Variants in KCTD3 observed in about 807,000 individuals in gnomAD.
KCTD3 encodes BTB/POZ domain-containing protein KCTD3.
KCTD3 carries 41 observed loss-of-function variants against 85.8 expected under a neutral mutation model. That is an observed-to-expected ratio of 0.48 (90% CI 0.37 to 0.62). The LOEUF (loss-of-function observed/expected upper bound fraction) is 0.62. Among genes scored for constraint, KCTD3 ranks in the 20% least tolerant of loss-of-function variants. The pLI, the probability that KCTD3 is intolerant of heterozygous loss-of-function variation, is 0.00. For synonymous variants in KCTD3, 338 were observed against 345.4 expected (o/e 0.98, Z 0.24); for missense variants, 724 against 989.9 (o/e 0.73, Z 3.60).
intron 10 of KCTD3, among the ~76,000 whole-genome samples, chr1:215,596,533 A>C (rs538110127): frequency 2.5e-4 from 38 of 152,312 alleles, no homozygotes; most frequent in Non-Finnish European, 4.4e-4. Flanking sequence ...ACCAAGAGCC[A>C]AAGGGACACA....
rs202044566 is a variant in KCTD3, at chr1:215,620,499, C to T, written c.2329C>T (p.Pro777Ser). The change falls in exon 18 of 18, where the codon CCA (proline) becomes TCA (serine). Residue 777 changes from proline to serine, a missense_variant. Around this residue, in one of 6 missense-constraint regions of KCTD3, gnomAD observed 222 missense variants for 217.7 expected, o/e 1.02. Coordinates refer to ENST00000259154, the MANE Select transcript of KCTD3 (RefSeq NM_016121.5). ...GAAAGTTCCCTATCTGGCGTCATCA[C>T]CAAGTACTTCCGATGGAGGAACTGA... ...RKKVPYLASS[P>S]STSDGGTDSP... 3 of 1,613,574 alleles carry T rather than the reference C, an allele frequency of 1.9e-6. No homozygotes were observed. The highest frequency in any genetic ancestry group is 1.7e-6 in the Non-Finnish European group (2 of 1,179,560).
At chr1:215,619,988 ATAAT>A (rs1309878493) in intron 17 of KCTD3, 65 bp from the exon 18 acceptor site, 1 of 1,169,322 alleles carries the variant, frequency 8.6e-7, no homozygotes, top group Non-Finnish European at 1.2e-6. Flanking sequence ...TATTGGTTGT[ATAAT>A]TAATATGTTC....
At chr1:215,576,062 TG>T in intron 4 of KCTD3, 88 bp downstream of exon 4, 1 of 803,330 alleles carries the variant, frequency 1.2e-6, no homozygotes. Context: ...TTTTTTTGTT[TG>T]TTTTTTTTTT....
chr1:215,576,155 G>A (rs755084873), intron 4 of KCTD3, among the ~76,000 whole-genome samples, 181 bp downstream of exon 4: 2 of 151,412 alleles, frequency 1.3e-5, no homozygotes, highest in Non-Finnish European at 2.9e-5. Flanking sequence ...TGCAACCTCC[G>A]CCTTTCAGGT....
intron 6 of KCTD3, 52 bp from the exon 7 acceptor site, chr1:215,578,948 A>G (rs1024073640): frequency 5.3e-6 from 7 of 1,324,458 alleles, no homozygotes; most frequent in Admixed American, 2.8e-5. Context: ...GATATTTTTA[A>G]TTTTTGAAAG....
intron 10 of KCTD3, among the ~76,000 whole-genome samples, chr1:215,601,511 G>C (rs1006306581): frequency 2.0e-5 from 3 of 152,114 alleles, no homozygotes; most frequent in Admixed American, 6.6e-5. Context: ...TATGAGAAAG[G>C]GAAAAGAGAG....
chr1:215,605,410 T>A lies in KCTD3; in HGVS notation c.1309+1108T>A, dbSNP rs542425951. ...ATTACTCCCCTGCCCCACTGAGGAG[T>A]TTCTAACTCTTGCTGGTTCCTCATC... On this transcript the variant is annotated intron_variant, in intron 13 of 17. Transcript: ENST00000259154. 2.6e-5 allele frequency among the ~76,000 whole-genome samples: 4 copies of A among 152,110 alleles called. No homozygotes were observed. In the South Asian group the frequency reaches 8.3e-4, roughly 32 times the overall value.
chr1:215,615,284 G>GA (rs1456062307), intron 15 of KCTD3, among the ~76,000 whole-genome samples: 1 of 152,108 alleles, frequency 6.6e-6, no homozygotes, highest in East Asian at 1.9e-4. Flanking sequence ...AAGGAAGCAA[G>GA]AAAAAACCTT....
In KCTD3 at chr1:215,619,271, C is replaced by G. The variant is rs773323864; in HGVS notation, c.1866C>G (p.His622Gln). 5 of 1,613,206 alleles carry G rather than the reference C, an allele frequency of 3.1e-6. No individual in the cohort carries two copies. In the African/African-American group the frequency reaches 6.7e-5, roughly 22 times the overall value. Residue 622 changes from histidine to glutamine, a missense_variant, in exon 17 of 18, where the codon CAC becomes CAG. Around this residue, in one of 6 missense-constraint regions of KCTD3, gnomAD observed 136 missense variants for 197.6 expected, o/e 0.69. Coordinates refer to ENST00000259154, the MANE Select transcript of KCTD3 (RefSeq NM_016121.5). Reference sequence around the variant, plus strand: ...CAACTTCCGTAGTTCAGCATAGCCACTTACGAGAATCAAATTCTAGGTAGG... The same window carrying G: ...CAACTTCCGTAGTTCAGCATAGCCAGTTACGAGAATCAAATTCTAGGTAGG... ...SPATSVVQHS[H>Q]LRESNSSLQL...
chr1:215,598,109 A>T (rs1654679695), intron 10 of KCTD3, among the ~76,000 whole-genome samples: 1 of 152,092 alleles, frequency 6.6e-6, no homozygotes, highest in African/African-American at 2.4e-5. Context: ...CATACCACAT[A>T]CCAAAGTAAA....
chr1:215,595,732 G>C (rs767826671), intron 10 of KCTD3, among the ~76,000 whole-genome samples: 1 of 152,120 alleles, frequency 6.6e-6, no homozygotes, highest in Non-Finnish European at 1.5e-5. Context: ...TCTATGCCTT[G>C]AGCATGGTAG....
At chr1:215,581,827 A>G (rs1437008563) in intron 8 of KCTD3, among the ~76,000 whole-genome samples, 2 of 152,268 alleles carry the variant, frequency 1.3e-5, no homozygotes, top group African/African-American at 4.8e-5. Context: ...AAAAGATTTC[A>G]AAAGAAAGAA....
At position 215,620,465 on chromosome 1, in the gene KCTD3, T is replaced by G. The variant is rs751987275; in HGVS notation, c.2295T>G (p.Leu765=). 3 of 1,613,782 alleles carry G rather than the reference T, an allele frequency of 1.9e-6. No homozygotes were observed. Among genetic ancestry groups the G allele is most frequent in the Non-Finnish European group, 2.5e-6 (3 of 1,179,734 alleles). The stretch of plus-strand genomic sequence containing the variant: ...GAGGATTTGAAGGGGGAGGATTCCT[T>G]GGAAGAAAGAAAGTTCCCTATCTGG... The part of the protein sequence containing the change: ...KKGGFEGGGF[L]GRKKVPYLAS... Residue 765 remains leucine, a synonymous_variant, in exon 18 of 18, where the codon CTT becomes CTG. Coordinates refer to ENST00000259154, the MANE Select transcript of KCTD3 (RefSeq NM_016121.5).
chr1:215,613,790 G>T (rs994592785), intron 15 of KCTD3, among the ~76,000 whole-genome samples: 1 of 151,956 alleles, frequency 6.6e-6, no homozygotes, highest in Non-Finnish European at 1.5e-5. Flanking sequence ...CAGCTTTGTT[G>T]AAGATCAGGT....
rs377727908 is a variant in KCTD3, at chr1:215,620,247, A to G, written c.2077A>G (p.Ile693Val). 1.9e-6 allele frequency: 3 copies of G among 1,613,964 alleles called. No individual in the cohort carries two copies. Among genetic ancestry groups the G allele is most frequent in the Non-Finnish European group, 2.5e-6 (3 of 1,179,864 alleles). Residue 693 changes from isoleucine to valine, a missense_variant, in exon 18 of 18, where the codon ATA becomes GTA. This residue lies in a region of KCTD3 where 222 missense variants were observed against 217.7 expected (regional missense o/e 1.02). Coordinates refer to ENST00000259154, the MANE Select transcript of KCTD3 (RefSeq NM_016121.5). ...CCCTGAAAATGGTAACTTGGGTCCA[A>G]TACAAGCTGAAGTGAAAGGGGCAAC... is the stretch of plus-strand genomic sequence containing the variant. ...AVPENGNLGPIQAEVKGATGE... is the reference protein window; with the variant it reads ...AVPENGNLGPVQAEVKGATGE...
intron 15 of KCTD3, among the ~76,000 whole-genome samples, chr1:215,613,873 C>CGGT (rs1655326056): frequency 6.6e-6 from 1 of 151,788 alleles, no homozygotes; most frequent in Non-Finnish European, 1.5e-5. Context: ...GTTTTTGTAC[C>CGGT]GGTACCATGC....
At position 215,621,364 on chromosome 1, in the gene KCTD3, A is replaced by G. The variant is rs1286475753; in HGVS notation, c.*746A>G. 1 of 152,108 alleles carries G rather than the reference A, an allele frequency of 6.6e-6. No homozygotes were observed. The highest frequency in any genetic ancestry group is 1.9e-4 in the East Asian group (1 of 5,198). 9.4% of individuals were successfully genotyped at this position (152,108 alleles called of 1,614,324 possible). ...ATCAAGGGCAAAGCTTTGAGTGCCCAGAAGGGAAAGCTGTACCAGTTGCTA... is the reference window on the plus strand; with the variant it reads ...ATCAAGGGCAAAGCTTTGAGTGCCCGGAAGGGAAAGCTGTACCAGTTGCTA... On this transcript the variant is annotated 3_prime_UTR_variant, in exon 18 of 18. Coordinates refer to ENST00000259154, the MANE Select transcript of KCTD3 (RefSeq NM_016121.5).
intron 8 of KCTD3, among the ~76,000 whole-genome samples, chr1:215,581,974 A>G (rs1220062495): frequency 1.3e-5 from 2 of 152,158 alleles, no homozygotes; most frequent in Non-Finnish European, 2.9e-5. Flanking sequence ...AGCTTCACTA[A>G]TTTTCTACAT....
chr1:215,619,308 G>A lies in KCTD3; in HGVS notation c.1886+17G>A. 2 of 1,592,322 alleles carry A rather than the reference G, an allele frequency of 1.3e-6. No individual in the cohort carries two copies. The highest frequency in any genetic ancestry group is 1.7e-6 in the Non-Finnish European group (2 of 1,167,834). ...AAATTCTAGGTAGGTTAAAGAGTTG[G>A]GTATTATAAACAAAATTTATTTCTT... On this transcript the variant is annotated intron_variant, in intron 17 of 17. Transcript: ENST00000259154.
Sources: gnomAD v4.1 joint callset for allele counts (sites outside exome capture counted in the v4.1 genomes callset) on GRCh38, gnomAD v4.1.1 for gene constraint, gnomAD v4.1.1 regional missense constraint, MANE v1.5 for transcripts, NCBI Gene and HGNC (gene_info 2026-07-23, HGNC 2026-07-21) for gene names.